AGAP1: variants seen among roughly 807,000 people sequenced by gnomAD.
AGAP1 encodes the protein ArfGAP with GTPase domain, ankyrin repeat and PH domain 1.
A neutral mutation model predicts 105.3 loss-of-function variants in AGAP1; 29 were observed. The observed-to-expected ratio is 0.28, with a 90% CI of 0.21 to 0.38. AGAP1 has a LOEUF of 0.38. AGAP1 is among the 10% of genes least tolerant of loss of function. AGAP1 has a pLI of 1.00. For synonymous variants in AGAP1, 509 were observed against 485.9 expected (o/e 1.05, Z -0.63); for missense variants, 998 against 1,165.1 (o/e 0.86, Z 2.09).
At chr2:235,822,130 A>G (rs1272145522) in intron 9 of AGAP1, among the ~76,000 whole-genome samples, 1 of 152,216 alleles carries the variant, frequency 6.6e-6, no homozygotes, top group Non-Finnish European at 1.5e-5. Flanking sequence ...GTTAGGGATG[A>G]ATGTCTTCGG....
chr2:236,117,018 G>A (rs1291671057), intron 16 of AGAP1, among the ~76,000 whole-genome samples: 1 of 152,064 alleles, frequency 6.6e-6, no homozygotes, highest in Non-Finnish European at 1.5e-5. Context: ...TGGCCATTGG[G>A]GTAGGTTCCA....
intron 11 of AGAP1, among the ~76,000 whole-genome samples, chr2:235,909,260 A>T (rs560385947): frequency 2.0e-5 from 3 of 152,216 alleles, no homozygotes; most frequent in Non-Finnish European, 4.4e-5. Context: ...TGATAACTGT[A>T]TGTATGAAAG....
Position 235,549,186 on chromosome 2 carries a change from TCAG to T in AGAP1, c.163+54341_163+54343del, listed in dbSNP as rs1383435195. On this transcript the variant is annotated intron_variant, in intron 1 of 17. Transcript: ENST00000304032. This position sits in a 1 kb window ranked among gnomAD's most constrained non-coding sequence, Gnocchi z 4.2. The stretch of plus-strand genomic sequence containing the variant: ...GTTCTTTGAGGACAGTTTGCCACGT[TCAG>T]CAGGATTTTCCAGACCTTTTATTTC... 6.6e-6 allele frequency among the ~76,000 whole-genome samples: 1 copy of T among 152,204 alleles called. No individual in the cohort carries two copies. Among genetic ancestry groups the T allele is most frequent in the Non-Finnish European group, 1.5e-5 (1 of 68,036 alleles).
chr2:235,676,770 G>C (rs543460008), intron 1 of AGAP1, among the ~76,000 whole-genome samples: 6 of 152,174 alleles, frequency 3.9e-5, no homozygotes, highest in African/African-American at 1.4e-4. Context: ...GTAATGATTT[G>C]AAACAATTAT....
At chr2:236,041,922 C>T (rs908912086) in intron 15 of AGAP1, among the ~76,000 whole-genome samples, 23 of 151,942 alleles carry the variant, frequency 1.5e-4, no homozygotes, top group Middle Eastern at 3.2e-3. Flanking sequence ...GGGAAGGGGC[C>T]GAAGGAATCA....
chr2:235,674,978 TTTTTA>T (rs1315599210), intron 1 of AGAP1, among the ~76,000 whole-genome samples: 5 of 151,702 alleles, frequency 3.3e-5, no homozygotes, highest in Non-Finnish European at 7.4e-5. Context: ...ACCTGTGGTT[TTTTTA>T]TTTTATTATT....
intron 9 of AGAP1, among the ~76,000 whole-genome samples, chr2:235,813,459 C>T (rs1958271418): frequency 1.3e-5 from 2 of 152,360 alleles, no homozygotes; most frequent in South Asian, 4.1e-4. Flanking sequence ...CTCTGTGTAT[C>T]CATTGTCCAG....
chr2:235,648,445 A>G (rs978635838), intron 1 of AGAP1, among the ~76,000 whole-genome samples: 2 of 152,122 alleles, frequency 1.3e-5, no homozygotes, highest in Admixed American at 6.6e-5. Flanking sequence ...ACATTCAAGC[A>G]CCTTGATTCA....
chr2:235,676,232 G>A (rs1218992723), intron 1 of AGAP1, among the ~76,000 whole-genome samples: 1 of 152,136 alleles, frequency 6.6e-6, no homozygotes, highest in Non-Finnish European at 1.5e-5. Context: ...TCTCTGCATA[G>A]CATATCTCCA....
At chr2:236,079,369 T>G (rs2058722320) in intron 16 of AGAP1, among the ~76,000 whole-genome samples, 1 of 108,474 alleles carries the variant, frequency 9.2e-6, no homozygotes, top group African/African-American at 4.9e-5. Flanking sequence ...AAAAGAAAAT[T>G]TAAAAAAAAA....
intron 3 of AGAP1, among the ~76,000 whole-genome samples, chr2:235,738,400 G>A (rs530471760): frequency 3.3e-5 from 5 of 151,962 alleles, no homozygotes; most frequent in Admixed American, 6.6e-5. Context: ...GTTGAGTTAC[G>A]TGCTGGAGGT....
chr2:236,016,615 G>A (rs9636243), intron 13 of AGAP1, among the ~76,000 whole-genome samples: 97,409 of 151,956 alleles, frequency 0.64, 32,292 homozygotes, highest in South Asian at 0.81. Context: ...AGAACCAGGA[G>A]TGAGGATTTG....
At chr2:235,948,906 C>G (rs1418460740) in intron 12 of AGAP1, among the ~76,000 whole-genome samples, 1 of 152,180 alleles carries the variant, frequency 6.6e-6, no homozygotes, top group Non-Finnish European at 1.5e-5. Flanking sequence ...TATCCCGTGT[C>G]CAGTAAAGCA....
At chr2:235,995,296 C>G (rs1193459446) in intron 13 of AGAP1, among the ~76,000 whole-genome samples, 1 of 151,928 alleles carries the variant, frequency 6.6e-6, no homozygotes, top group Non-Finnish European at 1.5e-5. Context: ...GGGCAGATCA[C>G]TTGAGATCAG....
intron 1 of AGAP1, among the ~76,000 whole-genome samples, chr2:235,646,451 A>G (rs1161678846): frequency 6.6e-6 from 1 of 152,194 alleles, no homozygotes; most frequent in Non-Finnish European, 1.5e-5. Flanking sequence ...GCAACATTCT[A>G]AGATGTGCCT....
At chr2:235,895,376 A>G (rs1377525510) in intron 10 of AGAP1, among the ~76,000 whole-genome samples, 1 of 151,956 alleles carries the variant, frequency 6.6e-6, no homozygotes, top group Non-Finnish European at 1.5e-5. Context: ...TTCCTGCTCT[A>G]TCGCTGTCTT....
At position 235,720,694 on chromosome 2, in the gene AGAP1, T is replaced by G; in HGVS notation, c.310+3050T>G. 1 of 985,402 alleles carries G rather than the reference T, an allele frequency of 1.0e-6. No homozygotes were observed. Among genetic ancestry groups the G allele is most frequent in the Non-Finnish European group, 1.2e-6 (1 of 829,898 alleles). The allele number at this position is 985,402 out of a possible 1,614,324, so 61.0% of individuals were successfully genotyped here. A position where few individuals can be genotyped will look rare whatever the true frequency, so the allele number is the denominator to read the frequency against. Reference sequence around the variant, plus strand: ...TGCGCTTCTTAATGTCTGTGCCCTGTTCTTCTGATTTAATTAGTGCGTGAG... The same window carrying G: ...TGCGCTTCTTAATGTCTGTGCCCTGGTCTTCTGATTTAATTAGTGCGTGAG... On this transcript the variant is annotated intron_variant, in intron 3 of 17. Coordinates refer to ENST00000304032, the MANE Select transcript of AGAP1 (RefSeq NM_001037131.3). The surrounding 1 kb of genome is among the most constrained non-coding windows in gnomAD (Gnocchi z 5.0).
In AGAP1 at chr2:235,750,206, G is replaced by A. The variant is rs1487279367; in HGVS notation, c.539-148G>A. The A allele has an allele frequency of 8.7e-7, 1 of 1,150,248 alleles. No homozygotes were observed. Among genetic ancestry groups the A allele is most frequent in the African/African-American group, 1.5e-5 (1 of 64,840 alleles). 71.3% of individuals were successfully genotyped at this position (1,150,248 alleles called of 1,614,324 possible). On this transcript the variant is annotated intron_variant, in intron 5 of 17. Coordinates refer to ENST00000304032, the MANE Select transcript of AGAP1 (RefSeq NM_001037131.3). The surrounding 1 kb of genome is among the most constrained non-coding windows in gnomAD (Gnocchi z 5.3). ...TCTTGTGTTTGAGTCTCTTAGTTGGGAGGCAAACGATGCTCTACAATTCCA... is the reference window on the plus strand; with the variant it reads ...TCTTGTGTTTGAGTCTCTTAGTTGGAAGGCAAACGATGCTCTACAATTCCA...
In AGAP1 at chr2:235,988,996, G is replaced by C. The variant is rs1290027458; in HGVS notation, c.1645+20373G>C. Among the ~76,000 whole-genome samples, 2 of 152,128 alleles carry C rather than the reference G, an allele frequency of 1.3e-5. No homozygotes were observed. The highest frequency in any genetic ancestry group is 2.9e-5 in the Non-Finnish European group (2 of 68,028). On this transcript the variant is annotated intron_variant, in intron 13 of 17. Coordinates refer to ENST00000304032, the MANE Select transcript of AGAP1 (RefSeq NM_001037131.3). The surrounding 1 kb of genome is among the most constrained non-coding windows in gnomAD (Gnocchi z 4.7). ...CTTCCGAGGAATGCACAGACCACAC[G>C]TTGTCAGGCTTCCCTTGGCCAATAA... is the stretch of plus-strand genomic sequence containing the variant.
Sources: allele counts gnomAD v4.1 joint callset (sites outside exome capture counted in the v4.1 genomes callset), GRCh38; gene constraint gnomAD v4.1.1; non-coding constraint Gnocchi (gnomAD v3.1); transcripts MANE v1.5; gene names NCBI Gene and HGNC (gene_info 2026-07-23, HGNC 2026-07-21).